The following SMG1 variants were observed in gnomAD, a reference collection of about 807,000 sequenced individuals.
SMG1 encodes the protein SMG1 nonsense mediated mRNA decay associated PI3K related kinase.
Under a neutral mutation model 419.9 loss-of-function variants are expected in SMG1, and 22 were observed. The ratio of observed to expected loss-of-function variants is 0.05; its 90% CI spans 0.04 to 0.07. The LOEUF is 0.07. SMG1 is among the 10% of genes least tolerant of loss of function. The pLI, the probability that SMG1 is intolerant of heterozygous loss-of-function variation, is 1.00. For missense variants in SMG1, 3,185 were observed against 4,342.0 expected (o/e 0.73, Z 7.49); for synonymous variants, 1,538 against 1,553.5 (o/e 0.99, Z 0.23).
chr16:18,809,895 C>T (rs755387505), intron 62 of SMG1, among the ~76,000 whole-genome samples: 2 of 151,944 alleles, frequency 1.3e-5, no homozygotes, highest in Non-Finnish European at 2.9e-5. Flanking sequence ...AATCCATTAA[C>T]CTACCAGAAC....
intron 39 of SMG1, 79 bp downstream of exon 39, chr16:18,845,350 A>C (rs1004775863): frequency 1.7e-6 from 2 of 1,198,980 alleles, no homozygotes; most frequent in Middle Eastern, 2.1e-4. Flanking sequence ...TCCAAGTAAG[A>C]AGTCCACTTA....
chr16:18,918,124 G>A (rs1440910746), intron 1 of SMG1, among the ~76,000 whole-genome samples: 1 of 151,880 alleles, frequency 6.6e-6, no homozygotes, highest in Non-Finnish European at 1.5e-5. Flanking sequence ...GCCGGGTGTG[G>A]TGGTGCGTGC....
intron 1 of SMG1, among the ~76,000 whole-genome samples, chr16:18,898,637 A>G (rs2037229281): frequency 6.6e-6 from 1 of 152,206 alleles, no homozygotes; most frequent in African/African-American, 2.4e-5. Flanking sequence ...TTTGAACTTT[A>G]TATGTATGCC....
In SMG1 at chr16:18,882,204, T is replaced by C; in HGVS notation, c.1254A>G (p.Pro418=). The C allele has an allele frequency of 1.3e-6, 2 of 1,591,244 alleles. No individual in the cohort carries two copies. The highest frequency in any genetic ancestry group is 2.3e-4 in the Middle Eastern group (1 of 4,358). The change falls in exon 10 of 63, where the codon CCA becomes CCG. Residue 418 remains proline (P), a synonymous_variant. Transcript: ENST00000446231. ...CCTCAGTAATTGGAGGACCCCGAATTGGGCTGAAGCGTTCCCCAATGCTCC... is the reference window on the plus strand; with the variant it reads ...CCTCAGTAATTGGAGGACCCCGAATCGGGCTGAAGCGTTCCCCAATGCTCC... ...VVRSIGERFS[P]IRGPPITEAY...
At chr16:18,904,083 G>A (rs1281492206) in intron 1 of SMG1, among the ~76,000 whole-genome samples, 1 of 150,858 alleles carries the variant, frequency 6.6e-6, no homozygotes, top group Non-Finnish European at 1.5e-5. Context: ...AACTACAGGC[G>A]CCCAACACCA....
rs77914527 is a variant in SMG1, at chr16:18,849,677, C to G, written c.5461+272G>C. On this transcript the variant is annotated intron_variant, in intron 35 of 62. Transcript: ENST00000446231. ...ACAAGGCAGGCACAGACAATTTTTA[C>G]AGAGGGTATATAAAACCTTTTGAAA... Among the ~76,000 whole-genome samples, 526 of 152,236 alleles carry G rather than the reference C, an allele frequency of 3.5e-3. 2 individuals carry two copies. The highest frequency in any genetic ancestry group is 0.012 in the African/African-American group (480 of 41,542).
At chr16:18,865,993 T>A (rs1217274536) in intron 23 of SMG1, among the ~76,000 whole-genome samples, 1 of 151,222 alleles carries the variant, frequency 6.6e-6, no homozygotes, top group Non-Finnish European at 1.5e-5. Context: ...TAATATTGAG[T>A]GGGAAAAACA....
chr16:18,805,034 A>T lies in SMG1; in HGVS notation c.*4535T>A, dbSNP rs370362108. 4.2e-4 allele frequency: 64 copies of T among 152,794 alleles called. No individual in the cohort carries two copies. The highest frequency in any genetic ancestry group is 1.3e-3 in the African/African-American group (54 of 41,590). 9.5% of individuals were successfully genotyped at this position (152,794 alleles called of 1,614,324 possible). A position where few individuals can be genotyped will look rare whatever the true frequency, so the allele number is the denominator to read the frequency against. Reference sequence around the variant, plus strand: ...CTTTTAAATACAATCACAAAATTATATCCATCAGGAGGCATTACAACCTTT... The same window carrying T: ...CTTTTAAATACAATCACAAAATTATTTCCATCAGGAGGCATTACAACCTTT... On this transcript the variant is annotated 3_prime_UTR_variant, in exon 63 of 63. Transcript: ENST00000446231.
At chr16:18,849,834 A>T in intron 35 of SMG1, 115 bp downstream of exon 35, 1 of 999,986 alleles carries the variant, frequency 1.0e-6, no homozygotes, top group Non-Finnish European at 1.5e-6. Context: ...CTAGGAAGTT[A>T]ATCTGGCTAT....
intron 10 of SMG1, among the ~76,000 whole-genome samples, chr16:18,881,743 A>C (rs1187077583): frequency 6.6e-6 from 1 of 152,196 alleles, no homozygotes; most frequent in African/African-American, 2.4e-5. Flanking sequence ...CTATCAAAGA[A>C]TATAAAGGTA....
rs1189636191 is a variant in SMG1, at chr16:18,835,955, G to T, written c.8035C>A (p.Arg2679Ser). The change falls in exon 48 of 63, where the codon CGT (arginine) becomes AGT (serine). Residue 2679 changes from arginine (R) to serine (S), a missense_variant. Physicochemically the swap from Arg to Ser is moderately radical, Grantham distance 110. This residue lies in a region of SMG1 where 412 missense variants were observed against 546.6 expected (regional missense o/e 0.75). Coordinates refer to ENST00000446231, the MANE Select transcript of SMG1 (RefSeq NM_015092.5). ...EELICNTTVERCQELYRKYEM... is the reference protein window; with the variant it reads ...EELICNTTVESCQELYRKYEM... ...TACTTCCTATAGAGCTCTTGACAAC[G>T]CTCTACTGTGGTGTTACAGATGAGC... The T allele has an allele frequency of 6.4e-7, 1 of 1,552,562 alleles. No individual in the cohort carries two copies.
In SMG1 at chr16:18,876,339, G is replaced by A; in HGVS notation, c.1675C>T (p.Pro559Ser). The A allele has an allele frequency of 6.2e-7, 1 of 1,611,482 alleles. No individual in the cohort carries two copies. ...YQAVLSLKNI[P>S]VLETAYKLIL... is the part of the protein sequence containing the mutation. ...AACTTATAGGCAGTCTCCAAAACAG[G>A]AATATTCTTCAAGCTGAGCACTGCT... The change falls in exon 13 of 63, where the codon CCT becomes TCT. Residue 559 changes from proline (P) to serine (S), a missense_variant. By Grantham distance (74) the Pro-to-Ser change is moderately conservative (BLOSUM62 -1). This residue lies in a region of SMG1 where 297 missense variants were observed against 491.0 expected (regional missense o/e 0.60). Coordinates refer to ENST00000446231, the MANE Select transcript of SMG1 (RefSeq NM_015092.5).
intron 1 of SMG1, among the ~76,000 whole-genome samples, chr16:18,905,378 T>G (rs1395444798): frequency 1.3e-5 from 2 of 152,178 alleles, no homozygotes; most frequent in African/African-American, 4.8e-5. Flanking sequence ...TGCCTTCACT[T>G]ACTTTTTAAC....
intron 1 of SMG1, among the ~76,000 whole-genome samples, chr16:18,905,907 C>CG (rs1375880993): frequency 2.0e-5 from 3 of 152,078 alleles, no homozygotes; most frequent in African/African-American, 7.2e-5. Flanking sequence ...GCAACATGCC[C>CG]GGCCCCTTCC....
At chr16:18,915,394 G>A (rs963665267) in intron 1 of SMG1, among the ~76,000 whole-genome samples, 7 of 152,222 alleles carry the variant, frequency 4.6e-5, no homozygotes, top group Admixed American at 2.0e-4. Context: ...TGCCATAAGA[G>A]GAACGCTTTC....
chr16:18,868,776 G>C (rs1318200820), intron 20 of SMG1, 57 bp from the exon 21 acceptor site: 1 of 760,362 alleles, frequency 1.3e-6, no homozygotes, highest in African/African-American at 1.8e-5. Context: ...CCTAGAATAA[G>C]TGTGAGTTTT....
chr16:18,834,449 T>C lies in SMG1; in HGVS notation c.8331-11A>G. The stretch of plus-strand genomic sequence containing the variant: ...ATCATCAGGTTACGCCTACAAGAGA[T>C]AAATATCTGTACAGTGAAACTTAAA... On this transcript the variant is annotated splice_polypyrimidine_tract_variant and intron_variant, in intron 49 of 62. Coordinates refer to ENST00000446231, the MANE Select transcript of SMG1 (RefSeq NM_015092.5). The C allele has an allele frequency of 6.2e-7, 1 of 1,607,888 alleles. No individual in the cohort carries two copies. Among genetic ancestry groups the C allele is most frequent in the Non-Finnish European group, 8.5e-7 (1 of 1,176,380 alleles).
chr16:18,897,304 C>A (rs565328473), intron 1 of SMG1, among the ~76,000 whole-genome samples: 148 of 152,304 alleles, frequency 9.7e-4, no homozygotes, highest in African/African-American at 3.4e-3. Context: ...GTTCTCCTCA[C>A]ATGACTTGAT....
rs1467255008 is a variant in SMG1, at chr16:18,858,949, AAAAAATAAGGTCTT to A, written c.4113+59_4113+72del. 3.2e-6 allele frequency: 3 copies of A among 924,396 alleles called. No homozygotes were observed. In the African/African-American group the frequency reaches 5.1e-5, roughly 16 times the overall value. 57.3% of individuals were successfully genotyped at this position (924,396 alleles called of 1,614,324 possible). Reference sequence around the variant, plus strand: ...CTACAAATCCTATTTCAAAAAACTAAAAAAATAAGGTCTTTGTTCTACAGTAATGACCATTAATA... The same window carrying A: ...CTACAAATCCTATTTCAAAAAACTAATGTTCTACAGTAATGACCATTAATA... On this transcript the variant is annotated intron_variant, in intron 28 of 62. Transcript: ENST00000446231.
Sources: gnomAD v4.1 joint callset for allele counts (sites outside exome capture counted in the v4.1 genomes callset) on GRCh38, gnomAD v4.1.1 for gene constraint, gnomAD v4.1.1 regional missense constraint, MANE v1.5 for transcripts, NCBI Gene and HGNC (gene_info 2026-07-23, HGNC 2026-07-21) for gene names.